ZNF444: variants seen among roughly 807,000 people sequenced by gnomAD.
ZNF444 encodes the protein endothelial zinc finger protein 2.
ZNF444 carries 8 observed loss-of-function variants against 14.4 expected under a neutral mutation model. The observed-to-expected ratio is 0.56, with a 90% confidence interval of 0.33 to 1.00. ZNF444 has a LOEUF of 1.00. ZNF444 is among the 50% of genes least tolerant of loss of function. The pLI, the probability that ZNF444 is intolerant of heterozygous loss-of-function variation, is 0.03. For synonymous variants in ZNF444, 258 were observed against 235.9 expected, an observed-to-expected ratio of 1.09 and a Z score of -0.86; for missense variants, 510 against 504.8, an observed-to-expected ratio of 1.01 and a Z score of -0.10.
At position 56,160,477 on chromosome 19, in the gene ZNF444, T is replaced by G; in HGVS notation, c.*276T>G. 1 of 389,860 alleles carries G rather than the reference T, an allele frequency of 2.6e-6. No homozygotes were observed. Among genetic ancestry groups the G allele is most frequent in the Non-Finnish European group, 4.6e-6 (1 of 218,686 alleles). 24.2% of individuals were successfully genotyped at this position (389,860 alleles called of 1,614,324 possible). A position where few individuals can be genotyped will look rare whatever the true frequency, so the allele number is the denominator to read the frequency against. Reference sequence around the variant, plus strand: ...TGTGAAGGGGCCTCTCCCTAATGTCTCCTCCTTCCCCCCTCTTCTCTCTCC... The same window carrying G: ...TGTGAAGGGGCCTCTCCCTAATGTCGCCTCCTTCCCCCCTCTTCTCTCTCC... On this transcript the variant is annotated 3_prime_UTR_variant, in exon 5 of 5. Coordinates refer to ENST00000337080, the MANE Select transcript of ZNF444 (RefSeq NM_018337.4).
chr19:56,159,626 G>A lies in ZNF444; in HGVS notation c.409G>A (p.Gly137Ser). The change falls in exon 5 of 5, where the codon GGC (glycine) becomes AGC (serine). Residue 137 changes from glycine to serine, a missense_variant and splice_region_variant. Coordinates refer to ENST00000337080, the MANE Select transcript of ZNF444 (RefSeq NM_018337.4). The stretch of plus-strand genomic sequence containing the variant: ...GCTGACTCTCTTTCTTTTCCCAGCA[G>A]GCACCGCCCCTGGGGCTGAGGGGCC... ...KEDSGMIPLA[G>S]TAPGAEGPAP... The A allele has an allele frequency of 2.1e-6, 3 of 1,434,658 alleles. No homozygotes were observed. The highest frequency in any genetic ancestry group is 2.7e-6 in the Non-Finnish European group (3 of 1,098,654). The allele number at this position is 1,434,658 out of a possible 1,614,324, so 88.9% of individuals were successfully genotyped here.
rs917468546 is a variant in ZNF444, at chr19:56,147,696, C to T, written c.297+488C>T. Reference sequence around the variant, plus strand: ...CCCGCCCCCTGAAAGTCAAGGATACCCCCTGGTCCAAACTCTACCCCAAAT... The same window carrying T: ...CCCGCCCCCTGAAAGTCAAGGATACTCCCTGGTCCAAACTCTACCCCAAAT... On this transcript the variant is annotated intron_variant, in intron 3 of 4. Transcript: ENST00000337080. The surrounding 1 kb of genome is among the most constrained non-coding windows in gnomAD (Gnocchi z 5.9). Among the ~76,000 whole-genome samples the T allele has an allele frequency of 6.6e-6, 1 of 152,078 alleles. No homozygotes were observed. The highest frequency in any genetic ancestry group is 6.5e-5 in the Admixed American group (1 of 15,288).
chr19:56,138,719 G>C (rs779457584), upstream of ZNF444, among the ~76,000 whole-genome samples: 1 of 151,490 alleles, frequency 6.6e-6, no homozygotes, highest in Non-Finnish European at 1.5e-5. Context: ...ACATTTAATG[G>C]GTACAATTTC....
rs1327125369 is a variant in ZNF444, at chr19:56,159,654, C to G, written c.437C>G (p.Ala146Gly). Residue 146 changes from alanine (A) to glycine (G), a missense_variant, in exon 5 of 5, where the codon GCG becomes GGG. Transcript: ENST00000337080. ...ACCGCCCCTGGGGCTGAGGGGCCGG[C>G]GCCTGGGGACTCCCAGGCTGTGCGC... Reference protein sequence around the residue: ...AGTAPGAEGPAPGDSQAVRPY... With the variant: ...AGTAPGAEGPGPGDSQAVRPY... The G allele has an allele frequency of 3.4e-6, 5 of 1,464,072 alleles. No individual in the cohort carries two copies. The African/African-American group carries it at 7.2e-5, about 21-fold the overall frequency. 90.7% of individuals were successfully genotyped at this position (1,464,072 alleles called of 1,614,324 possible).
Position 56,147,222 on chromosome 19 carries a change from G to A in ZNF444, c.297+14G>A. ...GAGGAGCTCTGGGTGAGCCTGGCGGGACTGCAAGCGGGGAAGGGAGAGGGG... is the reference window on the plus strand; with the variant it reads ...GAGGAGCTCTGGGTGAGCCTGGCGGAACTGCAAGCGGGGAAGGGAGAGGGG... On this transcript the variant is annotated intron_variant, in intron 3 of 4. Transcript: ENST00000337080. The surrounding 1 kb of genome is among the most constrained non-coding windows in gnomAD (Gnocchi z 5.9). 1 of 1,414,928 alleles carries A rather than the reference G, an allele frequency of 7.1e-7. No homozygotes were observed. The highest frequency in any genetic ancestry group is 9.2e-7 in the Non-Finnish European group (1 of 1,089,838). 87.6% of individuals were successfully genotyped at this position (1,414,928 alleles called of 1,614,324 possible).
Position 56,147,516 on chromosome 19 carries a change from C to T in ZNF444, c.297+308C>T, listed in dbSNP as rs2031273222. Among the ~76,000 whole-genome samples the T allele has an allele frequency of 1.3e-5, 2 of 152,072 alleles. No homozygotes were observed. The highest frequency in any genetic ancestry group is 4.8e-5 in the African/African-American group (2 of 41,400). On this transcript the variant is annotated intron_variant, in intron 3 of 4. Transcript: ENST00000337080. This position sits in a 1 kb window ranked among gnomAD's most constrained non-coding sequence, Gnocchi z 5.9. The stretch of plus-strand genomic sequence containing the variant: ...GTGCTGGAAGCAGCTGGGAAGAAGG[C>T]CACGAAGGCTCCAGGGAGCGCAGTT...
rs1318943210 is a variant in ZNF444, at chr19:56,160,177, C to T, written c.960C>T (p.Pro320=). Residue 320 remains proline (P), a synonymous_variant, in exon 5 of 5, where the codon CCC becomes CCT. Coordinates refer to ENST00000337080, the MANE Select transcript of ZNF444 (RefSeq NM_018337.4). ...AVAPGPDGGG[P]FPPWPLG is the part of the protein sequence containing the mutation. Reference sequence around the variant, plus strand: ...CTCCGGGCCCGGATGGTGGAGGCCCCTTCCCGCCCTGGCCCTTGGGTTAGC... The same window carrying T: ...CTCCGGGCCCGGATGGTGGAGGCCCTTTCCCGCCCTGGCCCTTGGGTTAGC... 2.7e-6 allele frequency: 4 copies of T among 1,470,794 alleles called. No homozygotes were observed. In the South Asian group the frequency reaches 3.9e-5, roughly 15 times the overall value. The allele number at this position is 1,470,794 out of a possible 1,614,324, so 91.1% of individuals were successfully genotyped here. A position where few individuals can be genotyped will look rare whatever the true frequency, so the allele number is the denominator to read the frequency against.
At chr19:56,159,511 C>A (rs1012887138) in intron 4 of ZNF444, 113 bp from the exon 5 acceptor site, 2 of 953,716 alleles carry the variant, frequency 2.1e-6, no homozygotes, top group Non-Finnish European at 3.0e-6. Flanking sequence ...AGCCCTCTTC[C>A]CACCCCAATG....
chr19:56,153,694 TC>T (rs2031725595), intron 3 of ZNF444, among the ~76,000 whole-genome samples: 3 of 152,004 alleles, frequency 2.0e-5, no homozygotes, highest in Admixed American at 2.0e-4. Flanking sequence ...CGTCTGCCAA[TC>T]GGGGAAGTGC....
Position 56,147,086 on chromosome 19 carries a change from A to T in ZNF444, c.175A>T (p.Met59Leu). The T allele has an allele frequency of 6.3e-7, 1 of 1,588,982 alleles. No homozygotes were observed. Among genetic ancestry groups the T allele is most frequent in the South Asian group, 1.1e-5 (1 of 88,486 alleles). Residue 59 changes from methionine (M) to leucine (L), a missense_variant, in exon 3 of 5, where the codon ATG becomes TTG. Coordinates refer to ENST00000337080, the MANE Select transcript of ZNF444 (RefSeq NM_018337.4). The surrounding 1 kb of genome is among the most constrained non-coding windows in gnomAD (Gnocchi z 5.9). ...GCCCGAGGTGCACACCAAGGAGCAG[A>T]TGTTGGAGCTGCTGGTGCTGGAACA... ...LRPEVHTKEQ[M>L]LELLVLEQFL...
rs1434521985 is a variant in ZNF444 at position 56,159,392 on chromosome 19, TACCCATCCATC to T, written c.407-230_407-220del. Among the ~76,000 whole-genome samples the T allele has an allele frequency of 9.2e-5, 14 of 152,238 alleles. No homozygotes were observed. The South Asian group carries it at 1.5e-3, about 16-fold the overall frequency. ...TTCTTCATCTACCCACGCATTCATC[TACCCATCCATC>T]ATCCAGCCAGCCATCATCTATTATG... On this transcript the variant is annotated intron_variant, in intron 4 of 4. Coordinates refer to ENST00000337080, the MANE Select transcript of ZNF444 (RefSeq NM_018337.4).
intron 3 of ZNF444, chr19:56,157,884 CACA>C (rs1263148751): frequency 6.6e-6 from 1 of 152,136 alleles, no homozygotes; most frequent in Non-Finnish European, 1.5e-5. Context: ...GCGAAGAAAC[CACA>C]ACGAGTTGGA....
intron 4 of ZNF444, 113 bp from the exon 5 acceptor site, chr19:56,159,511 C>T (rs1012887138): frequency 2.1e-6 from 2 of 953,598 alleles, no homozygotes; most frequent in Non-Finnish European, 3.0e-6. Flanking sequence ...AGCCCTCTTC[C>T]CACCCCAATG....
At chr19:56,146,030 C>T (rs2031158784) in intron 1 of ZNF444, 1 of 152,376 alleles carries the variant, frequency 6.6e-6, no homozygotes, top group Non-Finnish European at 1.5e-5. Context: ...TCTCCAAATA[C>T]GGTCACACTG....
In ZNF444 at chr19:56,158,487, A is replaced by T. The variant is rs1277181254; in HGVS notation, c.298-7A>T. 1 of 1,600,434 alleles carries T rather than the reference A, an allele frequency of 6.2e-7. No individual in the cohort carries two copies. The highest frequency in any genetic ancestry group is 1.8e-5 in the Admixed American group (1 of 56,854). On this transcript the variant is annotated splice_region_variant and splice_polypyrimidine_tract_variant and intron_variant, in intron 3 of 4. Coordinates refer to ENST00000337080, the MANE Select transcript of ZNF444 (RefSeq NM_018337.4). The stretch of plus-strand genomic sequence containing the variant: ...TTTCTGAGTTCAAAACTGTGCTCTC[A>T]TTTCAGGGGCCAGCAGCCTCCCCCG...
intron 1 of ZNF444, among the ~76,000 whole-genome samples, chr19:56,134,391 C>T (rs2030564452): frequency 2.0e-5 from 3 of 152,166 alleles, no homozygotes; most frequent in Admixed American, 2.0e-4. Context: ...CAGGCAGGCC[C>T]CAAGCCAGGA....
intron 4 of ZNF444, among the ~76,000 whole-genome samples, chr19:56,159,304 CCATCATCTGTACATT>C (rs2032115203): frequency 6.6e-6 from 1 of 151,758 alleles, no homozygotes; most frequent in African/African-American, 2.4e-5. Flanking sequence ...ATCTACCCAT[CCATCATCTGTACATT>C]CATCCATCCA....
chr19:56,136,687 G>A (rs1280114993), upstream of ZNF444, among the ~76,000 whole-genome samples: 44 of 152,158 alleles, frequency 2.9e-4, no homozygotes, highest in East Asian at 1.9e-4. Context: ...ATAGGAGTGC[G>A]CCTTTGCATC....
chr19:56,158,967 C>T (rs566984772), intron 4 of ZNF444, among the ~76,000 whole-genome samples: 62 of 152,044 alleles, frequency 4.1e-4, no homozygotes, highest in African/African-American at 1.2e-3. Flanking sequence ...CATCCATCAT[C>T]ATCACCCATC....
Sources: gnomAD v4.1 joint callset for allele counts (sites outside exome capture counted in the v4.1 genomes callset) on GRCh38, gnomAD v4.1.1 for gene constraint, Gnocchi (gnomAD v3.1) non-coding constraint, MANE v1.5 for transcripts, NCBI Gene and HGNC (gene_info 2026-07-23, HGNC 2026-07-21) for gene names.